Variants in CREBBP observed in about 807,000 individuals in gnomAD.
CREBBP encodes CREB-binding protein.
Under a neutral mutation model 265.0 loss-of-function variants are expected in CREBBP, and 19 were observed. That is an observed-to-expected ratio of 0.07 (90% confidence interval 0.05 to 0.11). The LOEUF (loss-of-function observed/expected upper bound fraction) is 0.11. CREBBP is among the 10% of genes least tolerant of loss of function. The pLI, the probability that CREBBP is intolerant of heterozygous loss-of-function variation, is 1.00. For missense variants in CREBBP, 2,525 were observed against 3,219.0 expected (o/e 0.78, Z 5.22); for synonymous variants, 1,457 against 1,223.7 (o/e 1.19, Z -3.98).
At chr16:3,779,617 C>T (rs1567306911) in intron 8 of CREBBP, among the ~76,000 whole-genome samples, 1 of 152,074 alleles carries the variant, frequency 6.6e-6, no homozygotes, top group African/African-American at 2.4e-5. Flanking sequence ...TGGAGACAAT[C>T]CTGACCTATC....
At position 3,880,212 on chromosome 16, in the gene CREBBP, G is replaced by A. The variant is rs1337038425; in HGVS notation, c.-296C>T. 2.2e-5 allele frequency: 3 copies of A among 138,822 alleles called. No homozygotes were observed. The highest frequency in any genetic ancestry group is 1.9e-4 in the South Asian group (1 of 5,226). 8.6% of individuals were successfully genotyped at this position (138,822 alleles called of 1,614,324 possible). On this transcript the variant is annotated 5_prime_UTR_variant, in exon 1 of 31. Transcript: ENST00000262367. ...TCCCGAGCGCGACACTCCGCGGTGG[G>A]GGCGCCCCGGCGGCCCGGCCGCCCC...
chr16:3,757,778 A>C, intron 18 of CREBBP, 31 bp downstream of exon 18: 2 of 1,612,724 alleles, frequency 1.2e-6, no homozygotes, highest in Non-Finnish European at 1.7e-6. Flanking sequence ...AACCAGGAAA[A>C]TTCACTTTCC....
At chr16:3,790,307 T>C (rs2053476594) in intron 5 of CREBBP, among the ~76,000 whole-genome samples, 2 of 152,058 alleles carry the variant, frequency 1.3e-5, no homozygotes. Context: ...AGGGAAATTG[T>C]TTATTAATTC....
rs1476634343 is a variant in CREBBP at position 3,728,832 on chromosome 16, C to T, written c.6215G>A (p.Arg2072Gln). Residue 2072 changes from arginine to glutamine, a missense_variant, in exon 31 of 31, where the codon CGG (arginine) becomes CAG (glutamine). Arg to Gln is a conservative substitution (Grantham distance 43, BLOSUM62 1). Around this residue, in one of 19 missense-constraint regions of CREBBP, gnomAD observed 275 missense variants for 276.5 expected, o/e 0.99. Transcript: ENST00000262367. The surrounding 1 kb of genome is among the most constrained non-coding windows in gnomAD (Gnocchi z 8.7). The stretch of plus-strand genomic sequence containing the variant: ...AGGGGAGCTGGGCGACTTCAGGGTC[C>T]GCAGCAGGTCTTGCAGAGCGCTGGG... ...ISPSALQDLL[R>Q]TLKSPSSPQQ... 8 of 1,613,354 alleles carry T rather than the reference C, an allele frequency of 5.0e-6. No individual in the cohort carries two copies. Among genetic ancestry groups the T allele is most frequent in the African/African-American group, 1.3e-5 (1 of 74,930 alleles).
At position 3,770,670 on chromosome 16, in the gene CREBBP, G is replaced by A. The variant is rs2052980526; in HGVS notation, c.2780C>T (p.Thr927Ile). ...TVQAAAQAQV[T>I]PQPQTPVQPP... Reference sequence around the variant, plus strand: ...CTGAACTGGGGTTTGAGGCTGCGGGGTCACCTGGGCCTGGGCTGCTGCCTG... The same window carrying A: ...CTGAACTGGGGTTTGAGGCTGCGGGATCACCTGGGCCTGGGCTGCTGCCTG... The change falls in exon 14 of 31, where the codon ACC becomes ATC. Residue 927 changes from threonine to isoleucine, a missense_variant. Around this residue, in one of 19 missense-constraint regions of CREBBP, gnomAD observed 548 missense variants for 533.0 expected, o/e 1.03. Transcript: ENST00000262367. The A allele has an allele frequency of 1.9e-6, 3 of 1,614,056 alleles. No individual in the cohort carries two copies. The highest frequency in any genetic ancestry group is 2.5e-6 in the Non-Finnish European group (3 of 1,180,016).
At chr16:3,783,614 G>A (rs2053323286) in intron 5 of CREBBP, among the ~76,000 whole-genome samples, 1 of 152,232 alleles carries the variant, frequency 6.6e-6, no homozygotes, top group African/African-American at 2.4e-5. Flanking sequence ...TGACTGAGCT[G>A]TTTGAAATTA....
intron 2 of CREBBP, among the ~76,000 whole-genome samples, chr16:3,835,665 C>T (rs763770126): frequency 2.7e-5 from 4 of 149,474 alleles, no homozygotes; most frequent in South Asian, 2.1e-4. Context: ...CTGCAAGCTC[C>T]GCCTCCCAGG....
At chr16:3,759,056 G>A in intron 16 of CREBBP, 84 bp from the exon 17 acceptor site, 1 of 1,076,624 alleles carries the variant, frequency 9.3e-7, no homozygotes, top group East Asian at 2.4e-5. Flanking sequence ...AATCCTGGCT[G>A]CTGTGACATC....
At chr16:3,864,134 A>G (rs377743693) in intron 1 of CREBBP, among the ~76,000 whole-genome samples, 6 of 152,194 alleles carry the variant, frequency 3.9e-5, no homozygotes, top group African/African-American at 1.4e-4. Context: ...TTCCCCAGCC[A>G]TATTGTAAGA....
At chr16:3,785,927 C>G (rs979727997) in intron 5 of CREBBP, among the ~76,000 whole-genome samples, 1 of 152,234 alleles carries the variant, frequency 6.6e-6, no homozygotes, top group African/African-American at 2.4e-5. Context: ...CCCCAACATC[C>G]CCTAGTCTCA....
rs2151320125 is a variant in CREBBP, at chr16:3,731,995, A to T, written c.4729-58T>A. On this transcript the variant is annotated intron_variant, in intron 28 of 30. Coordinates refer to ENST00000262367, the MANE Select transcript of CREBBP (RefSeq NM_004380.3). The surrounding 1 kb of genome is among the most constrained non-coding windows in gnomAD (Gnocchi z 7.7). ...AAGTGCCCCTCCACACTTGGCACGG[A>T]CGCCCAGCTCCCAGGCCGTGGGCAT... 1.2e-6 allele frequency: 2 copies of T among 1,613,174 alleles called. No homozygotes were observed. The highest frequency in any genetic ancestry group is 1.7e-6 in the Non-Finnish European group (2 of 1,180,002).
At position 3,726,381 on chromosome 16, in the gene CREBBP, T is replaced by G. The variant is rs924655701; in HGVS notation, c.*1337A>C. On this transcript the variant is annotated 3_prime_UTR_variant, in exon 31 of 31. Coordinates refer to ENST00000262367, the MANE Select transcript of CREBBP (RefSeq NM_004380.3). The stretch of plus-strand genomic sequence containing the variant: ...TAACTGTGTGAGCGACAATCACCTG[T>G]GAGCCTCGAATGTGTGGGGCCAACG... 2.1e-5 allele frequency: 5 copies of G among 233,152 alleles called. No homozygotes were observed. The highest frequency in any genetic ancestry group is 4.2e-5 in the Non-Finnish European group (5 of 118,080). 14.4% of individuals were successfully genotyped at this position (233,152 alleles called of 1,614,324 possible).
chr16:3,757,713 ACT>A, intron 18 of CREBBP, 94 bp downstream of exon 18: 1 of 1,531,712 alleles, frequency 6.5e-7, no homozygotes, highest in Non-Finnish European at 8.9e-7. Context: ...GCACATATGC[ACT>A]CCCAGTATAC....
intron 2 of CREBBP, among the ~76,000 whole-genome samples, chr16:3,849,446 T>TGTGTGTGTGTGTGTGTGTGTGTG (rs2054768442): frequency 3.0e-5 from 1 of 33,652 alleles, no homozygotes; most frequent in Non-Finnish European, 9.8e-5. Flanking sequence ...TGTGTGTGTG[T>TGTGTGTGTGTGTGTGTGTGTGTG]GTGTGTGTGT....
intron 1 of CREBBP, among the ~76,000 whole-genome samples, chr16:3,862,701 A>G (rs1213138850): frequency 1.3e-5 from 2 of 151,962 alleles, no homozygotes; most frequent in Admixed American, 1.3e-4. Flanking sequence ...CGCCCTTCCC[A>G]CTGTATCGAA....
chr16:3,804,010 G>T (rs2053778384), intron 3 of CREBBP, among the ~76,000 whole-genome samples: 1 of 151,924 alleles, frequency 6.6e-6, no homozygotes, highest in Admixed American at 6.6e-5. Context: ...TTGAGCCTGG[G>T]AGGAAGAGGA....
rs929281843 is a variant in CREBBP at position 3,780,891 on chromosome 16, T to C, written c.1677-13A>G. The C allele has an allele frequency of 3.1e-6, 5 of 1,612,890 alleles. No individual in the cohort carries two copies. In the African/African-American group the frequency reaches 6.7e-5, roughly 22 times the overall value. On this transcript the variant is annotated splice_polypyrimidine_tract_variant and intron_variant, in intron 7 of 30. Transcript: ENST00000262367. ...GTTCATCAGTGGGCTAAGGAGGAAATAAAGACACTTCATCCATCTACTGAA... is the reference window on the plus strand; with the variant it reads ...GTTCATCAGTGGGCTAAGGAGGAAACAAAGACACTTCATCCATCTACTGAA...
Position 3,729,722 on chromosome 16 carries a change from G to A in CREBBP, c.5325C>T (p.Cys1775=), listed in dbSNP as rs762866431. ...GGCACGCGTGCACCAGCGACTGGAT[G>A]CAGCGCTGGATGCTCAGCCGGCGTG... ...QESRRLSIQR[C]IQSLVHACQC... The change falls in exon 31 of 31, where the codon TGC becomes TGT. Residue 1775 remains cysteine, a synonymous_variant. Coordinates refer to ENST00000262367, the MANE Select transcript of CREBBP (RefSeq NM_004380.3). 6.2e-7 allele frequency: 1 copy of A among 1,610,844 alleles called. No homozygotes were observed. Among genetic ancestry groups the A allele is most frequent in the Non-Finnish European group, 8.5e-7 (1 of 1,179,576 alleles).
intron 21 of CREBBP, among the ~76,000 whole-genome samples, chr16:3,747,830 C>A (rs993617292): frequency 2.0e-5 from 3 of 152,104 alleles, no homozygotes; most frequent in African/African-American, 7.2e-5. Context: ...TGGCTCACAC[C>A]TGTAATCCCA....
Sources: gnomAD v4.1 joint callset for allele counts (sites outside exome capture counted in the v4.1 genomes callset) on GRCh38, gnomAD v4.1.1 for gene constraint, gnomAD v4.1.1 regional missense constraint, Gnocchi (gnomAD v3.1) non-coding constraint, MANE v1.5 for transcripts, NCBI Gene and HGNC (gene_info 2026-07-23, HGNC 2026-07-21) for gene names.